The following CENATAC variants were observed in gnomAD, a reference collection of about 807,000 sequenced individuals.
CENATAC encodes centrosomal AT-AC splicing factor.
CENATAC carries 53 observed loss-of-function variants against 53.7 expected under a neutral mutation model. The observed-to-expected ratio is 0.99, with a 90% CI of 0.79 to 1.24. CENATAC has a LOEUF of 1.24. Among genes scored for constraint, CENATAC ranks in the 50% most tolerant of loss-of-function variants. The pLI, the probability that CENATAC is intolerant of heterozygous loss-of-function variation, is 0.00. For missense variants in CENATAC, 474 were observed against 417.8 expected, an observed-to-expected ratio of 1.13 and a Z score of -1.17; for synonymous variants, 156 against 144.6, an observed-to-expected ratio of 1.08 and a Z score of -0.57.
intron 7 of CENATAC, chr11:119,012,461 C>T: frequency 1.9e-6 from 1 of 525,648 alleles, no homozygotes; most frequent in South Asian, 2.3e-5. Flanking sequence ...GGAGTGCCAA[C>T]TCCTAAATCT....
At chr11:119,004,020 CTT>C (rs1271053019) in intron 3 of CENATAC, among the ~76,000 whole-genome samples, 1 of 152,134 alleles carries the variant, frequency 6.6e-6, no homozygotes, top group African/African-American at 2.4e-5. Context: ...AAAAGCAGTA[CTT>C]AGCAAGTATT....
Position 118,998,293 on chromosome 11 carries a change from G to T in CENATAC, c.96G>T (p.Glu32Asp). 6.2e-7 allele frequency: 1 copy of T among 1,606,200 alleles called. No individual in the cohort carries two copies. Among genetic ancestry groups the T allele is most frequent in the Non-Finnish European group, 8.5e-7 (1 of 1,176,584 alleles). ...GCAAGCACCAGCGGCAGCTGAAGGA[G>T]GCTTTGGAGAGGCTCCTGCCCCAGG... ...YSRKHQRQLK[E>D]ALERLLPQVE... is the part of the protein sequence containing the mutation. The change falls in exon 1 of 11, where the codon GAG (glutamate) becomes GAT (aspartate). Residue 32 changes from glutamate to aspartate, a missense_variant. Transcript: ENST00000334418.
intron 3 of CENATAC, among the ~76,000 whole-genome samples, chr11:119,006,167 A>G (rs1381001083): frequency 7.3e-6 from 1 of 137,074 alleles, no homozygotes; most frequent in East Asian, 2.1e-4. Context: ...GTTGACTGCA[A>G]CCTCTGCCTC....
At chr11:119,011,603 T>C (rs1322626122) in intron 5 of CENATAC, among the ~76,000 whole-genome samples, 1 of 152,160 alleles carries the variant, frequency 6.6e-6, no homozygotes, top group African/African-American at 2.4e-5. Context: ...GGTCTTGAAC[T>C]CCTGACCTCA....
At chr11:119,003,621 C>CTTTTTTT (rs138779092) in intron 3 of CENATAC, 2 of 129,094 alleles carry the variant, frequency 1.5e-5, no homozygotes, top group Admixed American at 9.7e-5. Context: ...ATTTCTCTCT[C>CTTTTTTT]TTTTTTTTTT....
chr11:119,002,341 G>T (rs7939329), intron 3 of CENATAC, among the ~76,000 whole-genome samples: 1 of 136,472 alleles, frequency 7.3e-6, no homozygotes, highest in African/African-American at 2.8e-5. Flanking sequence ...ATAGAAAAAA[G>T]ATTTTTTTTT....
chr11:119,003,300 A>T, intron 3 of CENATAC: 2 of 528,734 alleles, frequency 3.8e-6, no homozygotes, highest in Non-Finnish European at 3.7e-6. Flanking sequence ...CGGAGTCGCA[A>T]TGTCTTGGGC....
At position 119,012,165 on chromosome 11, in the gene CENATAC, T is replaced by C. The variant is rs1857037142; in HGVS notation, c.595T>C (p.Leu199=). ...KGMNSQVASS[L]QQPSNLDLPP... ...GTTTTTCAGCCAAGTAGCTTCCAGC[T>C]TACAGCAGCCCTCAAATTTGGACCT... The change falls in exon 7 of 11, where the codon TTA becomes CTA. Residue 199 remains leucine, a synonymous_variant. Transcript: ENST00000334418. 1.2e-6 allele frequency: 2 copies of C among 1,614,080 alleles called. No individual in the cohort carries two copies. The highest frequency in any genetic ancestry group is 3.3e-5 in the Admixed American group (2 of 60,006).
At chr11:118,999,135 G>T in intron 3 of CENATAC, 26 bp downstream of exon 3, 1 of 1,518,668 alleles carries the variant, frequency 6.6e-7, no homozygotes, top group Non-Finnish European at 9.1e-7. Context: ...GGAACGTGAA[G>T]TAGCAGAGTG....
At chr11:119,001,075 A>G (rs1942272707) in intron 3 of CENATAC, among the ~76,000 whole-genome samples, 1 of 152,154 alleles carries the variant, frequency 6.6e-6, no homozygotes, top group African/African-American at 2.4e-5. Flanking sequence ...CACCTCCTAT[A>G]GGTCCCACGT....
At chr11:118,998,648 A>G in intron 2 of CENATAC, 55 bp downstream of exon 2, 1 of 1,533,246 alleles carries the variant, frequency 6.5e-7, no homozygotes, top group Admixed American at 2.1e-5. Context: ...ATACGGGAGG[A>G]GGGTTTGGGG....
At chr11:119,005,812 G>A (rs1476242836) in intron 3 of CENATAC, 1 of 152,058 alleles carries the variant, frequency 6.6e-6, no homozygotes, top group Non-Finnish European at 1.5e-5. Context: ...AGGTGTTGTG[G>A]ATTATGAGAC....
At chr11:119,010,719 T>C (rs781928198) in intron 3 of CENATAC, 45 bp from the exon 4 acceptor site, 27 of 1,549,696 alleles carry the variant, frequency 1.7e-5, no homozygotes, top group Middle Eastern at 3.4e-4. Flanking sequence ...TCGTTTTAAC[T>C]GGTGGGGAAT....
rs1351720066 is a variant in CENATAC at position 118,998,955 on chromosome 11, A to T, written c.285-56A>T. ...TTGCATTACAAACCTAATGCTTAAT[A>T]TCTGAGTAATATTTTATAATCTATA... On this transcript the variant is annotated intron_variant, in intron 2 of 10. Transcript: ENST00000334418. 5 of 1,356,834 alleles carry T rather than the reference A, an allele frequency of 3.7e-6. No individual in the cohort carries two copies. In the African/African-American group the frequency reaches 7.2e-5, roughly 19 times the overall value. The allele number at this position is 1,356,834 out of a possible 1,614,324, so 84.0% of individuals were successfully genotyped here.
At chr11:119,008,058 G>A (rs1319560972) in intron 3 of CENATAC, among the ~76,000 whole-genome samples, 6 of 152,328 alleles carry the variant, frequency 3.9e-5, no homozygotes, top group African/African-American at 1.4e-4. Context: ...AATCTAGACT[G>A]TAGTAGCTAA....
chr11:119,011,730 C>G (rs1942880651), intron 5 of CENATAC, among the ~76,000 whole-genome samples: 1 of 144,968 alleles, frequency 6.9e-6, no homozygotes, highest in Admixed American at 6.8e-5. Context: ...CTTGAATTCC[C>G]TTACCTGTGT....
At chr11:119,008,565 T>A in intron 3 of CENATAC, among the ~76,000 whole-genome samples, 1 of 152,088 alleles carries the variant, frequency 6.6e-6, no homozygotes, top group African/African-American at 2.4e-5. Flanking sequence ...AAATGTACAA[T>A]CGGGTTTTAA....
intron 8 of CENATAC, among the ~76,000 whole-genome samples, chr11:119,013,487 G>A (rs1434144493): frequency 4.9e-5 from 7 of 143,044 alleles, no homozygotes; most frequent in South Asian, 2.2e-4. Context: ...TTTTTGAGAC[G>A]GAGTCTCGCT....
In CENATAC at chr11:118,998,996, C is replaced by T. The variant is rs782391125; in HGVS notation, c.285-15C>T. 22 of 1,573,866 alleles carry T rather than the reference C, an allele frequency of 1.4e-5. No individual in the cohort carries two copies. The highest frequency in any genetic ancestry group is 4.0e-5 in the African/African-American group (3 of 74,196). The stretch of plus-strand genomic sequence containing the variant: ...ATAATCTATAGCTGAGATTACTTAT[C>T]CTCTCCATTTTCAGCCCAGAGCACA... On this transcript the variant is annotated splice_polypyrimidine_tract_variant and intron_variant, in intron 2 of 10. Transcript: ENST00000334418.
Sources: gnomAD v4.1 joint callset for allele counts (sites outside exome capture counted in the v4.1 genomes callset) on GRCh38, gnomAD v4.1.1 for gene constraint, MANE v1.5 for transcripts, NCBI Gene and HGNC (gene_info 2026-07-23, HGNC 2026-07-21) for gene names.